NAV2: variants seen among roughly 807,000 people sequenced by gnomAD.
The protein encoded by NAV2 is neuron navigator 2, also known as helicase, APC down-regulated 1.
NAV2 carries 54 observed loss-of-function variants against 223.2 expected under a neutral mutation model. The ratio of observed to expected loss-of-function variants is 0.24; its 90% confidence interval spans 0.19 to 0.30. The LOEUF (loss-of-function observed/expected upper bound fraction) is 0.30, where lower values mean the gene tolerates loss of function less well. NAV2 is among the 10% of genes least tolerant of loss of function. NAV2 has a pLI of 1.00. For synonymous variants in NAV2, 1,279 were observed against 1,239.3 expected (o/e 1.03, Z -0.67); for missense variants, 2,806 against 3,147.5 (o/e 0.89, Z 2.60).
chr11:19,838,468 A>G (rs1045255739), intron 2 of NAV2, among the ~76,000 whole-genome samples: 2 of 152,172 alleles, frequency 1.3e-5, no homozygotes, highest in African/African-American at 4.8e-5. Context: ...GAGGAGAGCC[A>G]GAGGGCCAGC....
intron 6 of NAV2, among the ~76,000 whole-genome samples, chr11:19,901,057 G>T (rs534776482): frequency 2.0e-5 from 3 of 152,144 alleles, no homozygotes. Context: ...GTCTCTCAAG[G>T]TGTGATTCAT....
intron 10 of NAV2, among the ~76,000 whole-genome samples, chr11:19,965,352 C>T (rs960559682): frequency 8.5e-5 from 13 of 152,114 alleles, no homozygotes; most frequent in Admixed American, 8.5e-4. Context: ...GCTCTTCTTT[C>T]CCCCAAACCT....
chr11:19,540,052 A>G (rs1034254009), intron 1 of NAV2, among the ~76,000 whole-genome samples: 1 of 152,176 alleles, frequency 6.6e-6, no homozygotes, highest in Non-Finnish European at 1.5e-5. Flanking sequence ...GTTCCCAGCA[A>G]CTGAGGGGGT....
chr11:19,974,421 T>C (rs2049523763), intron 10 of NAV2, among the ~76,000 whole-genome samples: 5 of 152,232 alleles, frequency 3.3e-5, no homozygotes, highest in African/African-American at 1.2e-4. Context: ...TGAACCCTAA[T>C]GTGACTTTAG....
intron 25 of NAV2, among the ~76,000 whole-genome samples, chr11:20,081,497 C>A (rs1397589231): frequency 6.6e-6 from 1 of 152,180 alleles, no homozygotes; most frequent in African/African-American, 2.4e-5. Flanking sequence ...TCAGCTAATC[C>A]CAAAGCTTAG....
intron 6 of NAV2, among the ~76,000 whole-genome samples, chr11:19,914,795 C>T (rs960185597): frequency 6.6e-6 from 1 of 152,106 alleles, no homozygotes. Context: ...CCACCCGCCT[C>T]GGCCTCCCAA....
At chr11:19,726,527 T>C (rs1377857640) in intron 1 of NAV2, among the ~76,000 whole-genome samples, 1 of 152,232 alleles carries the variant, frequency 6.6e-6, no homozygotes, top group East Asian at 1.9e-4. Flanking sequence ...TTTGCTTTGA[T>C]GTTACCTTAT....
At chr11:19,861,659 A>G (rs1302527785) in intron 3 of NAV2, among the ~76,000 whole-genome samples, 2 of 152,218 alleles carry the variant, frequency 1.3e-5, no homozygotes, top group African/African-American at 4.8e-5. Flanking sequence ...GTCTGAACCT[A>G]AAGCCTGTGT....
At chr11:19,849,628 C>T (rs924352379) in intron 3 of NAV2, among the ~76,000 whole-genome samples, 1 of 152,214 alleles carries the variant, frequency 6.6e-6, no homozygotes. Context: ...CGGCCACATG[C>T]CTGGGGAGTG....
In NAV2 at chr11:19,934,292, C is replaced by T. The variant is rs1248704631; in HGVS notation, c.2033+15C>T. The T allele has an allele frequency of 6.4e-7, 1 of 1,554,846 alleles. No homozygotes were observed. The highest frequency in any genetic ancestry group is 1.4e-5 in the African/African-American group (1 of 73,202). On this transcript the variant is annotated intron_variant, in intron 7 of 37. Transcript: ENST00000349880. ...TTCCTGTACAGGTAGGAGCTGCCAC[C>T]CACCTGTGCTGCCTGGGACATTGGG... is the stretch of plus-strand genomic sequence containing the variant.
At chr11:19,839,335 G>A (rs944907863) in intron 2 of NAV2, among the ~76,000 whole-genome samples, 2 of 152,184 alleles carry the variant, frequency 1.3e-5, no homozygotes, top group Non-Finnish European at 2.9e-5. Flanking sequence ...AGCAGGGAGC[G>A]AGAGAGAAGG....
At chr11:19,524,654 C>A (rs2043788086) in intron 1 of NAV2, among the ~76,000 whole-genome samples, 2 of 152,102 alleles carry the variant, frequency 1.3e-5, no homozygotes, top group African/African-American at 2.4e-5. Context: ...AAGGGCCAGG[C>A]TTGTAACAGA....
chr11:20,031,130 A>G (rs2055688877), intron 11 of NAV2, among the ~76,000 whole-genome samples: 2 of 152,192 alleles, frequency 1.3e-5, no homozygotes, highest in African/African-American at 4.8e-5. Context: ...TCTTCCAGGA[A>G]TGATGGTTCC....
intron 10 of NAV2, among the ~76,000 whole-genome samples, chr11:19,977,569 G>A (rs148922862): frequency 2.4e-4 from 37 of 152,268 alleles, no homozygotes; most frequent in African/African-American, 7.7e-4. Flanking sequence ...AATATGCCAC[G>A]TTTGCCTGAA....
At position 19,984,158 on chromosome 11, in the gene NAV2, C is replaced by G; in HGVS notation, c.2679C>G (p.Thr893=). The change falls in exon 11 of 38, where the codon ACC becomes ACG. Residue 893 remains threonine (T), a synonymous_variant. Coordinates refer to ENST00000349880, the MANE Select transcript of NAV2 (RefSeq NM_145117.5). ...YMTDGGLGLY[T]RRLNRLPDGM... Reference sequence around the variant, plus strand: ...CTGATGGTGGACTTGGCCTCTATACCCGTCGCCTGAACCGGCTCCCTGATG... The same window carrying G: ...CTGATGGTGGACTTGGCCTCTATACGCGTCGCCTGAACCGGCTCCCTGATG... 6.2e-7 allele frequency: 1 copy of G among 1,614,148 alleles called. No homozygotes were observed. Among genetic ancestry groups the G allele is most frequent in the Non-Finnish European group, 8.5e-7 (1 of 1,180,024 alleles).
chr11:19,852,262 A>T (rs1398036120), intron 3 of NAV2, among the ~76,000 whole-genome samples: 1 of 152,250 alleles, frequency 6.6e-6, no homozygotes, highest in Admixed American at 6.5e-5. Flanking sequence ...TTGCTGTATC[A>T]GAGAGTAAGC....
chr11:19,840,136 C>A (rs2060433211), intron 2 of NAV2, among the ~76,000 whole-genome samples: 1 of 152,148 alleles, frequency 6.6e-6, no homozygotes, highest in African/African-American at 2.4e-5. Flanking sequence ...GCCCAAAACT[C>A]ATTTTGTAAT....
Position 19,945,455 on chromosome 11 carries a change from A to G in NAV2, c.2147-946A>G, listed in dbSNP as rs914219217. Among the ~76,000 whole-genome samples, 7 of 151,456 alleles carry G rather than the reference A, an allele frequency of 4.6e-5. No individual in the cohort carries two copies. The South Asian group carries it at 1.5e-3, about 32-fold the overall frequency. On this transcript the variant is annotated intron_variant, in intron 8 of 37. Transcript: ENST00000349880. ...AATGGCACAATCTCGGCTGACTGCA[A>G]CCTCTACCTTCTAAACTAAAGACAT...
Position 20,120,519 on chromosome 11 carries a change from G to A in NAV2, c.*2261G>A, listed in dbSNP as rs1371450388. 6.6e-6 allele frequency: 1 copy of A among 152,606 alleles called. No homozygotes were observed. Among genetic ancestry groups the A allele is most frequent in the East Asian group, 1.9e-4 (1 of 5,196 alleles). The allele number at this position is 152,606 out of a possible 1,614,324, so 9.5% of individuals were successfully genotyped here. ...CTCGCGTACTGTGAATTTGGGAGGA[G>A]GTAAAGTTGACTTCTCCTCGTGGGC... On this transcript the variant is annotated 3_prime_UTR_variant, in exon 38 of 38. Transcript: ENST00000349880.
Sources: gnomAD v4.1 joint callset for allele counts (sites outside exome capture counted in the v4.1 genomes callset) on GRCh38, gnomAD v4.1.1 for gene constraint, MANE v1.5 for transcripts, NCBI Gene and HGNC (gene_info 2026-07-23, HGNC 2026-07-21) for gene names.